PLD5: variants seen among roughly 807,000 people sequenced by gnomAD.
PLD5 encodes the protein phospholipase D family member 5.
Under a neutral mutation model 61.1 loss-of-function variants are expected in PLD5, and 36 were observed. That is an observed-to-expected ratio of 0.59 (90% CI 0.45 to 0.78). The LOEUF is 0.78. Among genes scored for constraint, PLD5 ranks in the 30% least tolerant of loss-of-function variants. The pLI is 0.00. For synonymous variants in PLD5, 243 were observed against 242.8 expected (o/e 1.00, Z -0.01); for missense variants, 515 against 644.4 (o/e 0.80, Z 2.17).
intron 2 of PLD5, among the ~76,000 whole-genome samples, chr1:242,292,849 T>A (rs7555305): frequency 0.95 from 144,855 of 152,270 alleles, 69,158 homozygotes; most frequent in Middle Eastern, 0.99. Context: ...ACACATGAGC[T>A]TATTATAAAT....
At chr1:242,434,507 G>A (rs909640624) in intron 1 of PLD5, among the ~76,000 whole-genome samples, 3 of 152,320 alleles carry the variant, frequency 2.0e-5, no homozygotes, top group Admixed American at 2.0e-4. Flanking sequence ...ATGCTGGGGA[G>A]GGGGATACCT....
chr1:242,118,441 T>C (rs1379859825), intron 6 of PLD5, among the ~76,000 whole-genome samples: 2 of 152,250 alleles, frequency 1.3e-5, no homozygotes, highest in Non-Finnish European at 2.9e-5. Context: ...TTCTAGCGCA[T>C]GTTACATGGC....
intron 4 of PLD5, among the ~76,000 whole-genome samples, chr1:242,255,195 T>G (rs1672945140): frequency 6.6e-6 from 1 of 152,048 alleles, no homozygotes; most frequent in Admixed American, 6.6e-5. Flanking sequence ...CTTGAAATGT[T>G]CAGCCTCCTT....
chr1:242,161,097 G>T (rs11582266), intron 5 of PLD5, among the ~76,000 whole-genome samples: 52,933 of 151,710 alleles, frequency 0.35, 9,509 homozygotes, highest in African/African-American at 0.4. Flanking sequence ...ATAATTTTGT[G>T]CATTCTAGGT....
chr1:242,198,096 G>GAATA (rs1412512596), intron 5 of PLD5, among the ~76,000 whole-genome samples: 2 of 152,036 alleles, frequency 1.3e-5, no homozygotes, highest in African/African-American at 4.8e-5. Flanking sequence ...ATGAATGAAT[G>GAATA]AATGAATAAA....
chr1:242,484,237 C>CA (rs1667880911), intron 1 of PLD5, among the ~76,000 whole-genome samples: 1 of 152,000 alleles, frequency 6.6e-6, no homozygotes, highest in South Asian at 2.1e-4. Flanking sequence ...GATAGAGACA[C>CA]AAAAAACCCT....
chr1:242,283,531 C>G (rs763005629), intron 3 of PLD5, among the ~76,000 whole-genome samples: 12 of 152,130 alleles, frequency 7.9e-5, no homozygotes, highest in East Asian at 1.9e-4. Context: ...TGACTATTGT[C>G]CCCCAACTAA....
At chr1:242,163,445 C>T (rs1666041163) in intron 5 of PLD5, among the ~76,000 whole-genome samples, 1 of 152,064 alleles carries the variant, frequency 6.6e-6, no homozygotes, top group Admixed American at 6.5e-5. Context: ...ACCCAGCTTC[C>T]CTCAAGTCTT....
chr1:242,090,592 C>T (rs1336240564), intron 9 of PLD5, among the ~76,000 whole-genome samples: 4 of 152,190 alleles, frequency 2.6e-5, no homozygotes, highest in Non-Finnish European at 4.4e-5. Flanking sequence ...AACAAACACT[C>T]GATTGGACTA....
At chr1:242,187,944 G>A (rs1383591926) in intron 5 of PLD5, among the ~76,000 whole-genome samples, 1 of 152,162 alleles carries the variant, frequency 6.6e-6, no homozygotes, top group African/African-American at 2.4e-5. Context: ...TGAATGTCAC[G>A]CTGAAGAGTC....
intron 1 of PLD5, among the ~76,000 whole-genome samples, chr1:242,457,065 C>G (rs565086642): frequency 3.9e-5 from 6 of 152,262 alleles, no homozygotes; most frequent in Admixed American, 3.3e-4. Flanking sequence ...TCTCTGGGCT[C>G]CCTGTCAAAC....
At chr1:242,163,258 C>T (rs1666013526) in intron 5 of PLD5, among the ~76,000 whole-genome samples, 1 of 149,230 alleles carries the variant, frequency 6.7e-6, no homozygotes, top group Non-Finnish European at 1.5e-5. Flanking sequence ...ATTCTCCTGC[C>T]TCAGCCTCCC....
At chr1:242,291,772 A>C (rs1675382902) in intron 2 of PLD5, among the ~76,000 whole-genome samples, 1 of 152,122 alleles carries the variant, frequency 6.6e-6, no homozygotes, top group South Asian at 2.1e-4. Context: ...GTACCACTGC[A>C]CTCCAGCCTG....
At chr1:242,429,373 T>A (rs1244864190) in intron 1 of PLD5, among the ~76,000 whole-genome samples, 2 of 152,210 alleles carry the variant, frequency 1.3e-5, no homozygotes, top group Non-Finnish European at 2.9e-5. Flanking sequence ...GTGGGGACTG[T>A]AATTAACAAT....
At chr1:242,291,566 G>C (rs954606719) in intron 2 of PLD5, among the ~76,000 whole-genome samples, 1 of 152,108 alleles carries the variant, frequency 6.6e-6, no homozygotes, top group East Asian at 1.9e-4. Flanking sequence ...CAGCACTTTG[G>C]GAGGCCGAGG....
chr1:242,467,575 C>G (rs1352874309), intron 1 of PLD5, among the ~76,000 whole-genome samples: 1 of 152,184 alleles, frequency 6.6e-6, no homozygotes, highest in African/African-American at 2.4e-5. Flanking sequence ...CATCCCCTCC[C>G]TTATCACTAG....
intron 5 of PLD5, among the ~76,000 whole-genome samples, chr1:242,138,622 G>A (rs1156410658): frequency 6.6e-6 from 1 of 152,180 alleles, no homozygotes; most frequent in Non-Finnish European, 1.5e-5. Flanking sequence ...AAACATATCA[G>A]CAACAGTTAA....
At chr1:242,505,588 T>C (rs922563150) in intron 1 of PLD5, among the ~76,000 whole-genome samples, 1 of 152,246 alleles carries the variant, frequency 6.6e-6, no homozygotes, top group African/African-American at 2.4e-5. Flanking sequence ...ACAGACATCA[T>C]GGCAAGGTTC....
intron 2 of PLD5, among the ~76,000 whole-genome samples, chr1:242,318,704 C>A (rs146971787): frequency 5.3e-5 from 8 of 151,440 alleles, no homozygotes; most frequent in Admixed American, 2.0e-4. Context: ...TTGCCCAGGC[C>A]GTCCTTAACT....
Sources: allele counts gnomAD v4.1 joint callset (sites outside exome capture counted in the v4.1 genomes callset), GRCh38; gene constraint gnomAD v4.1.1; transcripts MANE v1.5; gene names NCBI Gene and HGNC (gene_info 2026-07-23, HGNC 2026-07-21).